Variants in CLVS1 observed in about 807,000 individuals in gnomAD.
CLVS1 encodes clavesin-1.
Under a neutral mutation model 33.1 loss-of-function variants are expected in CLVS1, and 10 were observed. The observed-to-expected ratio is 0.30, with a 90% CI of 0.19 to 0.51. The LOEUF (loss-of-function observed/expected upper bound fraction) is 0.51, where lower values mean the gene tolerates loss of function less well. Ranked by LOEUF, CLVS1 falls within the 20% of genes least tolerant of loss-of-function variation. The pLI, the probability that CLVS1 is intolerant of heterozygous loss-of-function variation, is 0.97. For missense variants in CLVS1, 343 were observed against 433.4 expected, an observed-to-expected ratio of 0.79 and a Z score of 1.85; for synonymous variants, 163 against 166.1, an observed-to-expected ratio of 0.98 and a Z score of 0.14.
chr8:61,336,852 C>T (rs918709882), intron 2 of CLVS1, among the ~76,000 whole-genome samples: 38 of 151,912 alleles, frequency 2.5e-4, no homozygotes, highest in African/African-American at 8.7e-4. Context: ...TGTCATCTGC[C>T]AGTAATAAAT....
chr8:61,424,850 G>T (rs1232392940), intron 3 of CLVS1, among the ~76,000 whole-genome samples: 2 of 152,128 alleles, frequency 1.3e-5, no homozygotes, highest in Admixed American at 1.3e-4. Context: ...GAATCTTGAA[G>T]ATTACATCCC....
At chr8:60,985,321 C>T in the CLVS1 span, among the ~76,000 whole-genome samples, 2 of 152,210 alleles carry the variant, frequency 1.3e-5, no homozygotes, top group East Asian at 1.9e-4. Context: ...ACCCTGCTGT[C>T]GGGATAACTG....
chr8:61,149,573 A>AAAAAAAAAAAAAAAAAAAG, intron 2 of CLVS1, among the ~76,000 whole-genome samples: 1 of 149,954 alleles, frequency 6.7e-6, no homozygotes, highest in Non-Finnish European at 1.5e-5. Flanking sequence ...AAAAAACAAA[A>AAAAAAAAAAAAAAAAAAAG]AACAAAACAA....
At chr8:61,192,810 C>T (rs191038952) in intron 2 of CLVS1, among the ~76,000 whole-genome samples, 430 of 152,212 alleles carry the variant, frequency 2.8e-3, no homozygotes, top group Non-Finnish European at 5.0e-3. Context: ...CAAATCAAAA[C>T]GACAATGAGA....
chr8:61,341,283 A>T lies in CLVS1; in HGVS notation c.456-35322A>T, dbSNP rs113058061. Among the ~76,000 whole-genome samples the T allele has an allele frequency of 5.3e-3, 802 of 152,236 alleles. 4 individuals carry two copies. The highest frequency in any genetic ancestry group is 0.018 in the African/African-American group (733 of 41,522). ...GGTCTGAAAATTGCACTGGGACTGAAATTGGACGGCAGCATGAAGCTGTTA... is the reference window on the plus strand; with the variant it reads ...GGTCTGAAAATTGCACTGGGACTGATATTGGACGGCAGCATGAAGCTGTTA... On this transcript the variant is annotated intron_variant, in intron 2 of 5. Coordinates refer to ENST00000325897, the MANE Select transcript of CLVS1 (RefSeq NM_173519.3).
At chr8:61,288,351 C>G (rs1809852425) in intron 1 of CLVS1, 2 of 442,110 alleles carry the variant, frequency 4.5e-6, no homozygotes, top group Non-Finnish European at 9.2e-6. Flanking sequence ...GCCTGCGCCC[C>G]CTTACACATC....
At chr8:61,161,031 A>G (rs1221022158) in intron 2 of CLVS1, among the ~76,000 whole-genome samples, 1 of 152,230 alleles carries the variant, frequency 6.6e-6, no homozygotes, top group African/African-American at 2.4e-5. Flanking sequence ...CGGAATAGGC[A>G]TTTCTCCAAA....
intron 2 of CLVS1, among the ~76,000 whole-genome samples, chr8:61,185,170 A>G (rs1807318924): frequency 6.7e-6 from 1 of 149,788 alleles, no homozygotes; most frequent in African/African-American, 2.5e-5. Context: ...TTGTGACAAG[A>G]TCTTGCTCCA....
chr8:61,435,139 C>T lies in CLVS1; in HGVS notation c.631-19002C>T, dbSNP rs1005531871. 1.1e-4 allele frequency among the ~76,000 whole-genome samples: 16 copies of T among 152,202 alleles called. No homozygotes were observed. In the South Asian group the frequency reaches 2.5e-3, roughly 24 times the overall value. ...AAAAATCAGAGCTCACTCCTTAATA[C>T]GAAATACCCCCATGAGAAGGTTGGT... On this transcript the variant is annotated intron_variant, in intron 3 of 5. Coordinates refer to ENST00000325897, the MANE Select transcript of CLVS1 (RefSeq NM_173519.3).
chr8:61,341,428 G>A (rs943942164), intron 2 of CLVS1, among the ~76,000 whole-genome samples: 3 of 152,234 alleles, frequency 2.0e-5, no homozygotes, highest in South Asian at 4.1e-4. Context: ...ACAGCTGGCT[G>A]TTCTTTCTCT....
chr8:61,037,992 T>G, the CLVS1 span, among the ~76,000 whole-genome samples: 1 of 152,082 alleles, frequency 6.6e-6, no homozygotes, highest in Non-Finnish European at 1.5e-5. Flanking sequence ...ACCAGGGCAG[T>G]GCAGAGTGGG....
chr8:61,326,745 G>A (rs1310154568), intron 2 of CLVS1, among the ~76,000 whole-genome samples: 2 of 152,004 alleles, frequency 1.3e-5, no homozygotes, highest in African/African-American at 4.8e-5. Flanking sequence ...ACATAAATAA[G>A]TACTATAATC....
intron 1 of CLVS1, among the ~76,000 whole-genome samples, chr8:61,069,850 G>A (rs117845588): frequency 0.057 from 8,665 of 152,088 alleles, 272 homozygotes; most frequent in Middle Eastern, 0.12. Flanking sequence ...GAGTGCAGTG[G>A]CGCGATCTTG....
At chr8:61,032,428 CTG>C in the CLVS1 span, among the ~76,000 whole-genome samples, 2 of 152,218 alleles carry the variant, frequency 1.3e-5, no homozygotes, top group African/African-American at 4.8e-5. Flanking sequence ...TTGATAATCT[CTG>C]TGTGTCAGAG....
the CLVS1 span, among the ~76,000 whole-genome samples, chr8:60,972,708 G>A: frequency 6.6e-6 from 1 of 152,118 alleles, no homozygotes; most frequent in African/African-American, 2.4e-5. Context: ...CAGTGCAGGA[G>A]GACTGTTTTC....
At chr8:61,187,447 A>G (rs1315029483) in intron 2 of CLVS1, among the ~76,000 whole-genome samples, 1 of 152,132 alleles carries the variant, frequency 6.6e-6, no homozygotes, top group Non-Finnish European at 1.5e-5. Flanking sequence ...CTTCAAATCA[A>G]GTCATTTAAT....
intron 1 of CLVS1, among the ~76,000 whole-genome samples, chr8:61,294,700 G>A (rs772585487): frequency 6.6e-6 from 1 of 151,992 alleles, no homozygotes; most frequent in Non-Finnish European, 1.5e-5. Flanking sequence ...ATTTTTAGAT[G>A]AGACATTGCT....
intron 1 of CLVS1, among the ~76,000 whole-genome samples, chr8:61,114,964 A>G (rs775171707): frequency 8.5e-5 from 13 of 152,154 alleles, no homozygotes; most frequent in Non-Finnish European, 1.9e-4. Flanking sequence ...GTACCATACA[A>G]TTTTCTGCGT....
chr8:61,191,614 A>G (rs988590879), intron 2 of CLVS1, among the ~76,000 whole-genome samples: 7 of 152,244 alleles, frequency 4.6e-5, no homozygotes, highest in Non-Finnish European at 7.3e-5. Context: ...ATGATTGTAT[A>G]TTTAGAAAAT....
Sources: allele counts gnomAD v4.1 joint callset (sites outside exome capture counted in the v4.1 genomes callset), GRCh38; gene constraint gnomAD v4.1.1; transcripts MANE v1.5; gene names NCBI Gene and HGNC (gene_info 2026-07-23, HGNC 2026-07-21).